Variants in KLRG1 observed in about 807,000 individuals in gnomAD.
The protein encoded by KLRG1 is killer cell lectin-like receptor subfamily G member 1.
Under a neutral mutation model 21.8 loss-of-function variants are expected in KLRG1, and 16 were observed. That is an observed-to-expected ratio of 0.73 (90% CI 0.50 to 1.11). The LOEUF is 1.11. Ranked by LOEUF, KLRG1 falls within the 50% of genes most tolerant of loss-of-function variation. The pLI, the probability that KLRG1 is intolerant of heterozygous loss-of-function variation, is 0.00. For missense variants in KLRG1, 173 were observed against 218.3 expected, an observed-to-expected ratio of 0.79 and a Z score of 1.31; for synonymous variants, 69 against 75.9, an observed-to-expected ratio of 0.91 and a Z score of 0.47.
intron 1 of KLRG1, among the ~76,000 whole-genome samples, chr12:8,991,455 A>G (rs963566730): frequency 6.6e-6 from 1 of 152,152 alleles, no homozygotes; most frequent in Admixed American, 6.5e-5. Context: ...ATATGTTTAC[A>G]TGGTTCAAAA....
chr12:9,099,277 T>G, the KLRG1 span: 1 of 1,085,566 alleles, frequency 9.2e-7, no homozygotes, highest in Non-Finnish European at 1.4e-6. Flanking sequence ...TCTGGGGAAT[T>G]TGTTTAACCC....
At chr12:9,215,458 A>G in the KLRG1 span, among the ~76,000 whole-genome samples, 1 of 152,160 alleles carries the variant, frequency 6.6e-6, no homozygotes, top group East Asian at 1.9e-4. Context: ...CATTATTTTA[A>G]TTACGTTTTT....
At chr12:9,211,815 A>G in the KLRG1 span, among the ~76,000 whole-genome samples, 1 of 152,196 alleles carries the variant, frequency 6.6e-6, no homozygotes, top group Admixed American at 6.5e-5. Context: ...ATTGTGGTCA[A>G]CTGGAGGTAG....
chr12:9,085,741 A>G, the KLRG1 span, among the ~76,000 whole-genome samples: 3 of 152,110 alleles, frequency 2.0e-5, no homozygotes, highest in Non-Finnish European at 4.4e-5. Flanking sequence ...AAGACAGACA[A>G]AAACTTTTAG....
intron 3 of KLRG1, among the ~76,000 whole-genome samples, chr12:9,007,769 A>C (rs760196261): frequency 2.6e-5 from 4 of 152,228 alleles, no homozygotes; most frequent in Non-Finnish European, 4.4e-5. Context: ...TTGCTTTCTT[A>C]GTAGTTTCTA....
At chr12:9,163,162 G>A in the KLRG1 span, among the ~76,000 whole-genome samples, 154 of 152,078 alleles carry the variant, frequency 1.0e-3, 5 homozygotes, top group South Asian at 0.019. Context: ...TGAATCTTAG[G>A]AGAGAGGTGG....
At chr12:9,091,259 C>T in the KLRG1 span, 56 of 1,614,112 alleles carry the variant, frequency 3.5e-5, no homozygotes, top group South Asian at 4.4e-5. Context: ...GGCCTCTCCA[C>T]GAATCACAGA....
At chr12:9,113,416 T>G in the KLRG1 span, 1 of 1,613,712 alleles carries the variant, frequency 6.2e-7, no homozygotes, top group African/African-American at 1.3e-5. Flanking sequence ...GTGAAGAGGC[T>G]CCTGTTTCCC....
chr12:8,969,062 A>G (rs1946525498), intron 1 of KLRG1, among the ~76,000 whole-genome samples: 1 of 152,160 alleles, frequency 6.6e-6, no homozygotes, highest in African/African-American at 2.4e-5. Flanking sequence ...CTCCTCTCCC[A>G]TCTCCAGCCT....
intron 1 of KLRG1, among the ~76,000 whole-genome samples, chr12:8,959,502 T>C (rs1946348725): frequency 6.6e-6 from 1 of 152,152 alleles, no homozygotes; most frequent in Admixed American, 6.5e-5. Flanking sequence ...GCCAAAGTAG[T>C]AGTTAAAAAA....
At chr12:9,035,683 A>G in the KLRG1 span, among the ~76,000 whole-genome samples, 1 of 152,110 alleles carries the variant, frequency 6.6e-6, no homozygotes, top group Non-Finnish European at 1.5e-5. Context: ...TTCTACCAAA[A>G]AGGCACATGC....
chr12:9,161,246 G>A, the KLRG1 span: 17 of 687,156 alleles, frequency 2.5e-5, no homozygotes, highest in Non-Finnish European at 3.5e-5. Context: ...TGTGACCTTG[G>A]GTAAATTGTG....
chr12:9,181,934 C>T, the KLRG1 span: 100 of 1,598,232 alleles, frequency 6.3e-5, no homozygotes, highest in Middle Eastern at 6.6e-4. Flanking sequence ...CCTACAGTAT[C>T]ATTTATTTGT....
the KLRG1 span, among the ~76,000 whole-genome samples, chr12:9,210,371 G>A: frequency 6.6e-6 from 1 of 152,100 alleles, no homozygotes; most frequent in Admixed American, 6.5e-5. Flanking sequence ...AATATGTAAA[G>A]GGTCTATCAG....
chr12:8,969,942 C>A (rs866427718), intron 1 of KLRG1, among the ~76,000 whole-genome samples: 2 of 152,072 alleles, frequency 1.3e-5, no homozygotes, highest in African/African-American at 4.8e-5. Context: ...ATGGTGAAAC[C>A]CCATCTCTAC....
At chr12:8,969,365 G>T (rs1946530824) in intron 1 of KLRG1, among the ~76,000 whole-genome samples, 1 of 152,188 alleles carries the variant, frequency 6.6e-6, no homozygotes, top group Non-Finnish European at 1.5e-5. Context: ...TGGGCTCCCA[G>T]GCTGTTGCTC....
the KLRG1 span, chr12:9,079,341 A>G: frequency 6.2e-7 from 1 of 1,611,188 alleles, no homozygotes; most frequent in East Asian, 2.2e-5. Flanking sequence ...CCTGGAAAGG[A>G]AGATTAACGA....
chr12:9,200,303 T>G, the KLRG1 span: 1 of 1,180,084 alleles, frequency 8.5e-7, no homozygotes, highest in Non-Finnish European at 1.2e-6. Context: ...ATTTTGTACC[T>G]ACATAATCCC....
At chr12:9,061,584 T>C in the KLRG1 span, among the ~76,000 whole-genome samples, 3 of 152,168 alleles carry the variant, frequency 2.0e-5, no homozygotes, top group Admixed American at 6.5e-5. Flanking sequence ...GAGGCTTAAG[T>C]AGAAGGATCT....
Sources: gnomAD v4.1 joint callset for allele counts (sites outside exome capture counted in the v4.1 genomes callset) on GRCh38, gnomAD v4.1.1 for gene constraint, MANE v1.5 for transcripts, NCBI Gene and HGNC (gene_info 2026-07-23, HGNC 2026-07-21) for gene names.